Variants in SUCLG2 observed in about 807,000 individuals in gnomAD.
SUCLG2 encodes succinate-CoA ligase GDP-forming subunit beta, also known as succinate--CoA ligase [GDP-forming] subunit beta, mitochondrial.
SUCLG2 carries 42 observed loss-of-function variants against 47.9 expected under a neutral mutation model. The observed-to-expected ratio is 0.88, with a 90% CI of 0.69 to 1.14. The LOEUF (loss-of-function observed/expected upper bound fraction) is 1.14. Among genes scored for constraint, SUCLG2 ranks in the 50% most tolerant of loss-of-function variants. The pLI is 0.00. For missense variants in SUCLG2, 571 were observed against 525.9 expected, an observed-to-expected ratio of 1.09 and a Z score of -0.84; for synonymous variants, 195 against 197.3, an observed-to-expected ratio of 0.99 and a Z score of 0.10.
At chr3:67,514,990 C>G (rs759056036) in intron 6 of SUCLG2, among the ~76,000 whole-genome samples, 1 of 152,168 alleles carries the variant, frequency 6.6e-6, no homozygotes, top group Non-Finnish European at 1.5e-5. Context: ...ATGTCCCTCA[C>G]GAAGTATTGC....
chr3:67,479,109 A>C (rs1196925619), intron 9 of SUCLG2, among the ~76,000 whole-genome samples: 1 of 152,228 alleles, frequency 6.6e-6, no homozygotes, highest in African/African-American at 2.4e-5. Context: ...AGGTGGAAGA[A>C]ACAGCAATGA....
chr3:67,474,651 C>T (rs1010125041), intron 9 of SUCLG2, among the ~76,000 whole-genome samples: 1 of 152,172 alleles, frequency 6.6e-6, no homozygotes, highest in Non-Finnish European at 1.5e-5. Flanking sequence ...TAAGAAGCTT[C>T]ACTTTAAATT....
intron 9 of SUCLG2, among the ~76,000 whole-genome samples, chr3:67,410,281 A>T (rs571372212): frequency 6.6e-6 from 1 of 152,348 alleles, no homozygotes; most frequent in African/African-American, 2.4e-5. Context: ...AACAGCAACT[A>T]CAAAGGCCCT....
At chr3:67,432,296 A>C (rs1703504588) in intron 9 of SUCLG2, among the ~76,000 whole-genome samples, 1 of 152,200 alleles carries the variant, frequency 6.6e-6, no homozygotes, top group Non-Finnish European at 1.5e-5. Context: ...ATTATACTAG[A>C]CTAAGAAGCT....
intron 1 of SUCLG2, among the ~76,000 whole-genome samples, chr3:67,641,496 C>A (rs1272466465): frequency 6.6e-6 from 1 of 152,218 alleles, no homozygotes; most frequent in Non-Finnish European, 1.5e-5. Flanking sequence ...TTTGCACCAA[C>A]CTACAATTTC....
At chr3:67,470,001 C>T (rs560444552) in intron 9 of SUCLG2, among the ~76,000 whole-genome samples, 8 of 149,144 alleles carry the variant, frequency 5.4e-5, no homozygotes, top group Non-Finnish European at 8.9e-5. Flanking sequence ...GCCAAGATCA[C>T]GCCATTGCAC....
At chr3:67,369,680 G>A (rs1701926062) in intron 10 of SUCLG2, among the ~76,000 whole-genome samples, 1 of 152,220 alleles carries the variant, frequency 6.6e-6, no homozygotes, top group South Asian at 2.1e-4. Flanking sequence ...CATCTACCTA[G>A]TTGGAGGCGT....
At chr3:67,521,266 GTCAGGGCAGATA>G (rs1706094679) in intron 4 of SUCLG2, among the ~76,000 whole-genome samples, 1 of 152,198 alleles carries the variant, frequency 6.6e-6, no homozygotes, top group Admixed American at 6.5e-5. Context: ...GGCCCCAGGA[GTCAGGGCAGATA>G]CGAGCCTACC....
intron 2 of SUCLG2, among the ~76,000 whole-genome samples, chr3:67,585,987 A>C (rs1708007823): frequency 2.1e-5 from 1 of 47,056 alleles, no homozygotes; most frequent in Non-Finnish European, 6.6e-5. Flanking sequence ...AAAAAAAAAA[A>C]AAAACCAAAC....
intron 10 of SUCLG2, among the ~76,000 whole-genome samples, chr3:67,361,521 G>A (rs1375344607): frequency 1.3e-5 from 2 of 152,160 alleles, no homozygotes; most frequent in Non-Finnish European, 2.9e-5. Context: ...TTGTTTTCTA[G>A]GGCAGGGCTC....
intron 7 of SUCLG2, among the ~76,000 whole-genome samples, chr3:67,501,717 A>C (rs1300525698): frequency 6.6e-6 from 1 of 152,054 alleles, no homozygotes; most frequent in Non-Finnish European, 1.5e-5. Context: ...TATGTAATAA[A>C]GCCTCCATAA....
At chr3:67,407,179 C>A (rs568599542) in intron 9 of SUCLG2, among the ~76,000 whole-genome samples, 1 of 152,196 alleles carries the variant, frequency 6.6e-6, no homozygotes, top group Non-Finnish European at 1.5e-5. Context: ...TTATTTACAA[C>A]AACAAGCGGT....
chr3:67,481,634 A>G (rs1704919207), intron 9 of SUCLG2, among the ~76,000 whole-genome samples: 1 of 152,238 alleles, frequency 6.6e-6, no homozygotes, highest in Admixed American at 6.5e-5. Flanking sequence ...GACAAATCTC[A>G]GTAAACCTAG....
chr3:67,572,535 T>A (rs1413733086), intron 2 of SUCLG2, among the ~76,000 whole-genome samples: 1 of 152,204 alleles, frequency 6.6e-6, no homozygotes, highest in African/African-American at 2.4e-5. Flanking sequence ...ACAAAAGAAC[T>A]TGGCTTGCAG....
At chr3:67,509,581 T>C (rs571041460) in intron 6 of SUCLG2, among the ~76,000 whole-genome samples, 2 of 152,216 alleles carry the variant, frequency 1.3e-5, no homozygotes, top group South Asian at 4.1e-4. Flanking sequence ...AACCAACATT[T>C]CTCCACTGCC....
intron 9 of SUCLG2, among the ~76,000 whole-genome samples, chr3:67,443,588 T>C (rs1575699554): frequency 5.9e-5 from 3 of 51,000 alleles, no homozygotes; most frequent in Non-Finnish European, 8.4e-5. Flanking sequence ...CCGGCCGCCA[T>C]CCCATCTAGG....
chr3:67,420,580 T>C (rs556272606), intron 9 of SUCLG2, among the ~76,000 whole-genome samples: 5 of 152,348 alleles, frequency 3.3e-5, no homozygotes, highest in Admixed American at 3.3e-4. Flanking sequence ...AACTATGTTC[T>C]TTCTCTGTTA....
intron 9 of SUCLG2, among the ~76,000 whole-genome samples, chr3:67,423,820 T>C (rs931993782): frequency 6.6e-6 from 1 of 152,168 alleles, no homozygotes; most frequent in Non-Finnish European, 1.5e-5. Context: ...TAAAACACCA[T>C]TATTAAAACA....
chr3:67,422,472 TCAA>T (rs1703185761), intron 9 of SUCLG2, among the ~76,000 whole-genome samples: 1 of 12,342 alleles, frequency 8.1e-5, no homozygotes, highest in African/African-American at 3.7e-4. Context: ...AGACTCCATC[TCAA>T]AAAAAAAAAA....
Sources: gnomAD v4.1 joint callset for allele counts (sites outside exome capture counted in the v4.1 genomes callset) on GRCh38, gnomAD v4.1.1 for gene constraint, MANE v1.5 for transcripts, NCBI Gene and HGNC (gene_info 2026-07-23, HGNC 2026-07-21) for gene names.